The following PKHD1 variants were observed in gnomAD, a reference collection of about 807,000 sequenced individuals.
The protein encoded by PKHD1 is fibrocystin.
A neutral mutation model predicts 412.0 loss-of-function variants in PKHD1; 291 were observed. The observed-to-expected ratio is 0.71, with a 90% CI of 0.64 to 0.78. PKHD1 has a LOEUF of 0.78. Ranked by LOEUF, PKHD1 falls within the 30% of genes least tolerant of loss-of-function variation. PKHD1 has a pLI of 0.00. For missense variants in PKHD1, 4,825 were observed against 4,950.7 expected (o/e 0.97, Z 0.76); for synonymous variants, 1,777 against 1,821.5 (o/e 0.98, Z 0.62).
chr6:51,969,035 A>G (rs1297207818), intron 35 of PKHD1, among the ~76,000 whole-genome samples: 1 of 152,172 alleles, frequency 6.6e-6, no homozygotes, highest in Non-Finnish European at 1.5e-5. Flanking sequence ...TGCAGATATA[A>G]TTAAAGTGAG....
chr6:52,043,008 C>T lies in PKHD1; in HGVS notation c.2948G>A (p.Cys983Tyr), dbSNP rs1554208064. The change falls in exon 27 of 67, where the codon TGT (cysteine) becomes TAT (tyrosine). Residue 983 changes from cysteine (C) to tyrosine (Y), a missense_variant. Coordinates refer to ENST00000371117, the MANE Select transcript of PKHD1 (RefSeq NM_138694.4). ...TCCAACAGGTAGCAAATCTGTCTGA[C>T]AGACTACATTGGTCTGGTTTGAGAA... ...VIFSNQTNVV[C>Y]QTDLLPVGMH... is the part of the protein sequence containing the mutation. 4 of 1,614,086 alleles carry T rather than the reference C, an allele frequency of 2.5e-6. No individual in the cohort carries two copies. Among genetic ancestry groups the T allele is most frequent in the Non-Finnish European group, 3.4e-6 (4 of 1,179,938 alleles).
At chr6:51,791,105 G>A (rs1562317353) in intron 53 of PKHD1, 131 bp downstream of exon 53, 1 of 874,120 alleles carries the variant, frequency 1.1e-6, no homozygotes. Flanking sequence ...CTTTACTGGT[G>A]CACTCACTAC....
At chr6:51,757,283 A>AT (rs1787182666) in intron 55 of PKHD1, among the ~76,000 whole-genome samples, 1 of 152,166 alleles carries the variant, frequency 6.6e-6, no homozygotes, top group Admixed American at 6.6e-5. Context: ...TCCACATGAG[A>AT]TTTTTTAGGG....
rs1430172233 is a variant in PKHD1 at position 51,630,925 on chromosome 6, T to A, written c.11665+1640A>T. On this transcript the variant is annotated intron_variant, in intron 65 of 66. Transcript: ENST00000371117. Reference sequence around the variant, plus strand: ...GAAAATATGGGGATATCATACAAGGTAATGTGTCCACAGATATTGAAAGGT... The same window carrying A: ...GAAAATATGGGGATATCATACAAGGAAATGTGTCCACAGATATTGAAAGGT... 2.0e-5 allele frequency among the ~76,000 whole-genome samples: 3 copies of A among 152,060 alleles called. No individual in the cohort carries two copies. The East Asian group carries it at 5.8e-4, about 29-fold the overall frequency.
chr6:52,065,907 C>T, intron 12 of PKHD1, 69 bp downstream of exon 12: 1 of 819,754 alleles, frequency 1.2e-6, no homozygotes. Flanking sequence ...TCCCTCATGC[C>T]ATACAGACAT....
At chr6:51,899,035 A>G (rs914717346) in intron 43 of PKHD1, among the ~76,000 whole-genome samples, 9 of 152,222 alleles carry the variant, frequency 5.9e-5, no homozygotes, top group Admixed American at 5.9e-4. Context: ...TAGCTTACCA[A>G]CCAAAAAGAG....
chr6:51,944,591 A>G (rs1789146727), intron 36 of PKHD1, among the ~76,000 whole-genome samples: 1 of 152,106 alleles, frequency 6.6e-6, no homozygotes, highest in African/African-American at 2.4e-5. Flanking sequence ...CTATGATTTC[A>G]TCCCCAACAA....
chr6:51,917,666 CAAT>C (rs1197821712), intron 37 of PKHD1, among the ~76,000 whole-genome samples: 1 of 152,050 alleles, frequency 6.6e-6, no homozygotes, highest in African/African-American at 2.4e-5. Context: ...TAGGCAACGA[CAAT>C]GATGTGTAAG....
intron 52 of PKHD1, among the ~76,000 whole-genome samples, chr6:51,800,749 T>C (rs150078298): frequency 3.2e-4 from 48 of 152,326 alleles, no homozygotes; most frequent in South Asian, 1.0e-3. Context: ...ACTGCTTGTA[T>C]GGTATGCACT....
rs183999397 is a variant in PKHD1, at chr6:52,067,137, G to C, written c.779-1060C>G. On this transcript the variant is annotated intron_variant, in intron 11 of 66. Coordinates refer to ENST00000371117, the MANE Select transcript of PKHD1 (RefSeq NM_138694.4). Reference sequence around the variant, plus strand: ...ACATTTTAGGAGGTTATTTTATAATGCTTTTTGCCCATGAGACAAAGCAGA... The same window carrying C: ...ACATTTTAGGAGGTTATTTTATAATCCTTTTTGCCCATGAGACAAAGCAGA... 3.8e-3 allele frequency among the ~76,000 whole-genome samples: 577 copies of C among 152,244 alleles called. 2 individuals are homozygous for C. The highest frequency in any genetic ancestry group is 0.013 in the African/African-American group (551 of 41,554).
At chr6:51,822,583 T>G (rs552074739) in intron 52 of PKHD1, among the ~76,000 whole-genome samples, 3 of 152,184 alleles carry the variant, frequency 2.0e-5, no homozygotes, top group Non-Finnish European at 2.9e-5. Context: ...TACTCAAGGC[T>G]TCCTTAGTCA....
intron 64 of PKHD1, among the ~76,000 whole-genome samples, chr6:51,633,868 A>C (rs1768222954): frequency 6.6e-6 from 1 of 152,154 alleles, no homozygotes; most frequent in Admixed American, 6.5e-5. Context: ...CAAAAATGTC[A>C]ATTTTAAAGT....
chr6:52,078,147 G>A lies in PKHD1; in HGVS notation c.390+1753C>T, dbSNP rs563293023. On this transcript the variant is annotated intron_variant, in intron 5 of 66. Coordinates refer to ENST00000371117, the MANE Select transcript of PKHD1 (RefSeq NM_138694.4). ...CTCCTTTATTACTCCCTCCCAGCTC[G>A]TGAGATCGTGGTGGGGCAGGCTTGG... Among the ~76,000 whole-genome samples, 14 of 152,146 alleles carry A rather than the reference G, an allele frequency of 9.2e-5. No homozygotes were observed. The South Asian group carries it at 1.2e-3, about 14-fold the overall frequency.
intron 36 of PKHD1, among the ~76,000 whole-genome samples, chr6:51,957,067 C>A (rs570473806): frequency 6.6e-6 from 1 of 152,034 alleles, no homozygotes; most frequent in African/African-American, 2.4e-5. Flanking sequence ...ACCCATGAAG[C>A]CTTATTTTCC....
At chr6:51,937,185 A>C (rs952623951) in intron 36 of PKHD1, among the ~76,000 whole-genome samples, 3 of 152,182 alleles carry the variant, frequency 2.0e-5, no homozygotes, top group Non-Finnish European at 4.4e-5. Flanking sequence ...CTTTCAACCA[A>C]TTGCCAGTCA....
At chr6:51,743,306 T>C (rs1332525967) in intron 60 of PKHD1, among the ~76,000 whole-genome samples, 1 of 152,012 alleles carries the variant, frequency 6.6e-6, no homozygotes, top group Non-Finnish European at 1.5e-5. Flanking sequence ...AGTTTGAGAA[T>C]TTGGGTTAGG....
At position 51,659,715 on chromosome 6, in the gene PKHD1, C is replaced by T. The variant is rs553752644; in HGVS notation, c.10411G>A (p.Val3471Ile). The stretch of plus-strand genomic sequence containing the variant: ...TGAGGAGTTTGATCCATGAAGCAGA[C>T]TTTGGTGATTTGCCTGATGGGTAAG... ...SILPIRQITK[V>I]CFMDQTPQVL... Residue 3471 changes from valine to isoleucine, a missense_variant, in exon 61 of 67, where the codon GTC (valine) becomes ATC (isoleucine). Val to Ile is a conservative substitution (Grantham distance 29). Transcript: ENST00000371117. 209 of 1,613,848 alleles carry T rather than the reference C, an allele frequency of 1.3e-4. 3 individuals carry two copies. The South Asian group carries it at 2.2e-3, about 17-fold the overall frequency.
Position 51,848,939 on chromosome 6 carries a change from GAAA to G in PKHD1, c.7912-972_7912-970del, listed in dbSNP as rs34781445. ...TTTAGTTTTTTTTTTTATTTCTTCTGAAAAAAAAAAAAACAGGATACAGGTGCA... is the reference window on the plus strand; with the variant it reads ...TTTAGTTTTTTTTTTTATTTCTTCTGAAAAAAAAAACAGGATACAGGTGCA... On this transcript the variant is annotated intron_variant, in intron 49 of 66. Transcript: ENST00000371117. Among the ~76,000 whole-genome samples, 1,101 of 123,952 alleles carry G rather than the reference GAAA, an allele frequency of 8.9e-3. 14 individuals carry two copies. Among genetic ancestry groups the G allele is most frequent in the African/African-American group, 0.03 (999 of 33,026 alleles). The allele number at this position is 123,952 out of a possible 152,430, so 81.3% of individuals were successfully genotyped here.
chr6:51,678,403 C>T (rs1440371773), intron 60 of PKHD1, among the ~76,000 whole-genome samples: 2 of 152,134 alleles, frequency 1.3e-5, no homozygotes, highest in African/African-American at 4.8e-5. Flanking sequence ...TTAAAGCTAC[C>T]TTCCAGTCTC....
Sources: allele counts gnomAD v4.1 joint callset (sites outside exome capture counted in the v4.1 genomes callset), GRCh38; gene constraint gnomAD v4.1.1; transcripts MANE v1.5; gene names NCBI Gene and HGNC (gene_info 2026-07-23, HGNC 2026-07-21).